DRC8: variants seen among roughly 807,000 people sequenced by gnomAD.
The protein encoded by DRC8 is dynein regulatory complex subunit 8.
the DRC8 span, among the ~76,000 whole-genome samples, chr1:245,048,443 T>C: frequency 5.3e-5 from 8 of 152,276 alleles, no homozygotes; most frequent in East Asian, 1.5e-3. Context: ...TTTATGTATA[T>C]GAGGCAGGGT....
At chr1:245,069,680 A>G in the DRC8 span, among the ~76,000 whole-genome samples, 1 of 152,208 alleles carries the variant, frequency 6.6e-6, no homozygotes, top group Non-Finnish European at 1.5e-5. Context: ...TGCAAGATGA[A>G]GACGTTCTAG....
At chr1:244,987,045 T>C in the DRC8 span, among the ~76,000 whole-genome samples, 1 of 152,196 alleles carries the variant, frequency 6.6e-6, no homozygotes, top group Non-Finnish European at 1.5e-5. Flanking sequence ...TGTATGTCAC[T>C]AAGTTTTAGC....
At chr1:244,970,697 C>A in the DRC8 span, 1 of 456,572 alleles carries the variant, frequency 2.2e-6, no homozygotes, top group Non-Finnish European at 3.7e-6. Flanking sequence ...CCCCTCTTCC[C>A]TCCCTCTTCT....
chr1:245,089,062 A>G, the DRC8 span, among the ~76,000 whole-genome samples: 16 of 152,124 alleles, frequency 1.1e-4, no homozygotes, highest in African/African-American at 3.8e-4. This position sits in a 1 kb window ranked among gnomAD's most constrained non-coding sequence, Gnocchi z 4.8. Context: ...TGAAAGGTCA[A>G]GACTAGAAGT....
At chr1:245,095,303 AC>A in the DRC8 span, among the ~76,000 whole-genome samples, 2 of 152,166 alleles carry the variant, frequency 1.3e-5, no homozygotes, top group Admixed American at 1.3e-4. Flanking sequence ...CACCAGCTAC[AC>A]CCCGCTGGAG....
chr1:245,029,104 G>T, the DRC8 span, among the ~76,000 whole-genome samples: 1 of 152,212 alleles, frequency 6.6e-6, no homozygotes, highest in Non-Finnish European at 1.5e-5. Context: ...AGGGCATGGG[G>T]TCGGTCCTAG....
the DRC8 span, among the ~76,000 whole-genome samples, chr1:245,108,882 C>G: frequency 2.6e-5 from 4 of 152,166 alleles, no homozygotes; most frequent in East Asian, 1.9e-4. Context: ...CATTATTCCT[C>G]TGCTTTTAGA....
chr1:245,047,633 TC>T, the DRC8 span, among the ~76,000 whole-genome samples: 1 of 19,484 alleles, frequency 5.1e-5, no homozygotes, highest in Middle Eastern at 0.029. Context: ...AGACTCCATC[TC>T]CAAAAAAAAA....
the DRC8 span, among the ~76,000 whole-genome samples, chr1:245,061,240 T>C: frequency 1.3e-5 from 2 of 152,234 alleles, no homozygotes; most frequent in East Asian, 3.8e-4. Context: ...GGATTAAATT[T>C]AATAACCGAG....
chr1:245,000,561 A>T, the DRC8 span, among the ~76,000 whole-genome samples: 3 of 152,092 alleles, frequency 2.0e-5, no homozygotes, highest in Non-Finnish European at 4.4e-5. Context: ...CAGGCAGATC[A>T]TGAGGTCAGG....
chr1:244,976,859 T>C, the DRC8 span, among the ~76,000 whole-genome samples: 3 of 152,238 alleles, frequency 2.0e-5, no homozygotes, highest in Middle Eastern at 3.2e-3. Flanking sequence ...TAGCACATTG[T>C]TCACAGTAGG....
the DRC8 span, chr1:245,017,403 C>G: frequency 1.5e-6 from 2 of 1,375,886 alleles, no homozygotes; most frequent in Admixed American, 2.6e-5. Flanking sequence ...GCTATTTTCT[C>G]TTTTTACACT....
chr1:245,022,456 A>G, the DRC8 span, among the ~76,000 whole-genome samples: 4 of 151,886 alleles, frequency 2.6e-5, no homozygotes, highest in Non-Finnish European at 5.9e-5. Flanking sequence ...GAGCCACCGC[A>G]CCCAGCCACA....
At chr1:245,013,284 A>G in the DRC8 span, among the ~76,000 whole-genome samples, 7 of 152,252 alleles carry the variant, frequency 4.6e-5, no homozygotes, top group East Asian at 7.7e-4. Context: ...AAGTTTCTCA[A>G]CTTTACAGTA....
chr1:245,010,448 A>G, the DRC8 span, among the ~76,000 whole-genome samples: 2 of 152,124 alleles, frequency 1.3e-5, no homozygotes, highest in Admixed American at 1.3e-4. Flanking sequence ...ACACTTGGCA[A>G]TGGGGAGCAG....
At chr1:245,082,256 A>G in the DRC8 span, 10 of 1,142,380 alleles carry the variant, frequency 8.8e-6, no homozygotes, top group African/African-American at 1.5e-5. Flanking sequence ...TTTGTGTGTT[A>G]TACTCAAGCA....
At chr1:245,098,212 G>T in the DRC8 span, among the ~76,000 whole-genome samples, 62 of 152,322 alleles carry the variant, frequency 4.1e-4, no homozygotes, top group Non-Finnish European at 7.2e-4. Flanking sequence ...TATTCGTTAA[G>T]GTTGAGGGGG....
chr1:245,032,749 T>C, the DRC8 span, among the ~76,000 whole-genome samples: 55,293 of 152,008 alleles, frequency 0.36, 10,404 homozygotes, highest in African/African-American at 0.47. Flanking sequence ...AAAGGTGGGC[T>C]GGGGCCATTC....
the DRC8 span, among the ~76,000 whole-genome samples, chr1:245,116,517 C>T: frequency 6.6e-6 from 1 of 152,158 alleles, no homozygotes; most frequent in East Asian, 1.9e-4. Context: ...TGCAAGAGCA[C>T]AAAGCCCCAA....
Sources: allele counts gnomAD v4.1 joint callset (sites outside exome capture counted in the v4.1 genomes callset), GRCh38; gene constraint gnomAD v4.1.1; non-coding constraint Gnocchi (gnomAD v3.1); transcripts MANE v1.5; gene names NCBI Gene and HGNC (gene_info 2026-07-23, HGNC 2026-07-21).